Variants in CCSER2 observed in about 807,000 individuals in gnomAD.
The protein encoded by CCSER2 is coiled-coil serine rich protein 2.
A neutral mutation model predicts 92.3 loss-of-function variants in CCSER2; 46 were observed. The observed-to-expected ratio is 0.50, with a 90% CI of 0.39 to 0.64. The LOEUF (loss-of-function observed/expected upper bound fraction) is 0.64, where lower values mean the gene tolerates loss of function less well. Ranked by LOEUF, CCSER2 falls within the 30% of genes least tolerant of loss-of-function variation. The pLI is 0.00. For synonymous variants in CCSER2, 433 were observed against 431.4 expected (o/e 1.00, Z -0.04); for missense variants, 1,244 against 1,238.9 (o/e 1.00, Z -0.06).
intron 7 of CCSER2, among the ~76,000 whole-genome samples, chr10:84,464,617 C>T (rs58620606): frequency 0.15 from 22,894 of 152,134 alleles, 1,847 homozygotes; most frequent in Admixed American, 0.24. Context: ...TTAGTGTTTG[C>T]TAGTCATCTA....
chr10:84,448,299 G>T (rs1356014356), intron 6 of CCSER2, among the ~76,000 whole-genome samples: 3 of 152,102 alleles, frequency 2.0e-5, no homozygotes, highest in African/African-American at 7.2e-5. Context: ...GATAGCCCAT[G>T]CCAGGCTGCT....
At chr10:84,391,975 A>G in intron 3 of CCSER2, 1 of 1,341,772 alleles carries the variant, frequency 7.5e-7, no homozygotes, top group African/African-American at 1.4e-5. Context: ...GTAGGCGATA[A>G]AAATTGGAGG....
intron 3 of CCSER2, among the ~76,000 whole-genome samples, chr10:84,401,829 T>G (rs12357563): frequency 0.038 from 5,763 of 152,284 alleles, 139 homozygotes; most frequent in Admixed American, 0.067. Flanking sequence ...AGGTTTAACT[T>G]TCTAGTGCCA....
chr10:84,437,152 GAGAGAGAGAGAGAGAGAGAGAGAC>G (rs1564662203), intron 5 of CCSER2, among the ~76,000 whole-genome samples: 1 of 56,290 alleles, frequency 1.8e-5, no homozygotes, highest in Non-Finnish European at 5.6e-5. Context: ...CACACACACA[GAGAGAGAGAGAGAGAGAGAGAGAC>G]AGAGAGACAG....
intron 3 of CCSER2, chr10:84,389,296 G>A: frequency 3.8e-6 from 2 of 521,094 alleles, no homozygotes; most frequent in East Asian, 5.4e-5. Context: ...AGAGTTCTCT[G>A]GCTAAAGATC....
intron 9 of CCSER2, among the ~76,000 whole-genome samples, chr10:84,482,174 G>A (rs1847496649): frequency 6.6e-6 from 1 of 151,940 alleles, no homozygotes; most frequent in Non-Finnish European, 1.5e-5. Context: ...TTTAGGTGGA[G>A]GAAAAAAGAG....
chr10:84,438,233 C>T (rs902767857), intron 5 of CCSER2, among the ~76,000 whole-genome samples: 27 of 152,118 alleles, frequency 1.8e-4, no homozygotes, highest in Admixed American at 1.6e-3. Flanking sequence ...TAAAGTCTTT[C>T]CAGAGTATTG....
chr10:84,443,625 C>T (rs9664543), intron 6 of CCSER2, among the ~76,000 whole-genome samples: 4 of 151,882 alleles, frequency 2.6e-5, no homozygotes, highest in South Asian at 2.1e-4. Flanking sequence ...CATTTGATCC[C>T]GCAATCCCAT....
chr10:84,450,427 A>G (rs559783081), intron 6 of CCSER2, among the ~76,000 whole-genome samples: 3 of 152,346 alleles, frequency 2.0e-5, no homozygotes, highest in Non-Finnish European at 4.4e-5. Context: ...GGATATGTGC[A>G]TACACATGTA....
At chr10:84,355,934 C>G (rs1564593084) in intron 1 of CCSER2, among the ~76,000 whole-genome samples, 3 of 152,044 alleles carry the variant, frequency 2.0e-5, no homozygotes, top group Non-Finnish European at 2.9e-5. Context: ...GAAACCCTGT[C>G]TCTACTAAAA....
chr10:84,360,875 T>C lies in CCSER2; in HGVS notation c.-39-10139T>C, dbSNP rs1266738450. Among the ~76,000 whole-genome samples, 4 of 152,208 alleles carry C rather than the reference T, an allele frequency of 2.6e-5. No individual in the cohort carries two copies. The South Asian group carries it at 8.3e-4, about 32-fold the overall frequency. On this transcript the variant is annotated intron_variant, in intron 1 of 9. Transcript: ENST00000372088. ...CACTGCTGTATTCTAACACATATTA[T>C]CATAATTACTTTAATCAGTTCTTGA...
intron 6 of CCSER2, among the ~76,000 whole-genome samples, chr10:84,442,390 A>G (rs1159957131): frequency 2.6e-5 from 4 of 152,206 alleles, no homozygotes; most frequent in Non-Finnish European, 2.9e-5. Flanking sequence ...TGTATATTAG[A>G]TGAGATGGAA....
At chr10:84,379,663 G>C (rs1490657626) in intron 3 of CCSER2, among the ~76,000 whole-genome samples, 2 of 152,026 alleles carry the variant, frequency 1.3e-5, no homozygotes, top group Non-Finnish European at 2.9e-5. Context: ...ATGTTGTATA[G>C]GCCATTATCC....
chr10:84,511,631 C>T (rs1423471507), intron 9 of CCSER2, among the ~76,000 whole-genome samples: 2 of 152,124 alleles, frequency 1.3e-5, no homozygotes, highest in African/African-American at 4.8e-5. Context: ...AAAAACAAAT[C>T]CCCATTCAAC....
chr10:84,427,796 A>G (rs559077291), intron 5 of CCSER2, among the ~76,000 whole-genome samples: 1 of 152,154 alleles, frequency 6.6e-6, no homozygotes, highest in East Asian at 1.9e-4. Flanking sequence ...CTTCACCTAC[A>G]TTCTCCTAAT....
intron 1 of CCSER2, among the ~76,000 whole-genome samples, chr10:84,362,204 G>A (rs765778462): frequency 2.6e-5 from 4 of 152,036 alleles, no homozygotes; most frequent in Non-Finnish European, 5.9e-5. Flanking sequence ...TTTAATATAG[G>A]GAACTTTGCT....
At chr10:84,436,738 A>C (rs1294657742) in intron 5 of CCSER2, among the ~76,000 whole-genome samples, 2 of 152,168 alleles carry the variant, frequency 1.3e-5, no homozygotes, top group Non-Finnish European at 2.9e-5. Context: ...GTGGCATCAT[A>C]AAATCAACAG....
At chr10:84,465,406 C>T (rs1252391574) in intron 7 of CCSER2, among the ~76,000 whole-genome samples, 1 of 148,836 alleles carries the variant, frequency 6.7e-6, no homozygotes, top group African/African-American at 2.5e-5. Flanking sequence ...CTCACTGCAG[C>T]CTCGGCCTCC....
intron 9 of CCSER2, among the ~76,000 whole-genome samples, chr10:84,505,349 A>G (rs770683962): frequency 3.3e-5 from 5 of 152,178 alleles, no homozygotes; most frequent in Admixed American, 6.5e-5. Context: ...GAAGGATATC[A>G]TTTAATTAAA....
Sources: allele counts gnomAD v4.1 joint callset (sites outside exome capture counted in the v4.1 genomes callset), GRCh38; gene constraint gnomAD v4.1.1; transcripts MANE v1.5; gene names NCBI Gene and HGNC (gene_info 2026-07-23, HGNC 2026-07-21).